DOCK10: variants seen among roughly 807,000 people sequenced by gnomAD.
The protein encoded by DOCK10 is dedicator of cytokinesis protein 10.
A neutral mutation model predicts 280.1 loss-of-function variants in DOCK10; 145 were observed. The observed-to-expected ratio is 0.52, with a 90% confidence interval of 0.45 to 0.59. The LOEUF is 0.59. Ranked by LOEUF, DOCK10 falls within the 20% of genes least tolerant of loss-of-function variation. The pLI is 0.00. For missense variants in DOCK10, 2,368 were observed against 2,651.7 expected, an observed-to-expected ratio of 0.89 and a Z score of 2.35; for synonymous variants, 915 against 942.2, an observed-to-expected ratio of 0.97 and a Z score of 0.53.
At chr2:224,978,303 C>T (rs543851369) in intron 1 of DOCK10, among the ~76,000 whole-genome samples, 11 of 152,194 alleles carry the variant, frequency 7.2e-5, no homozygotes, top group South Asian at 2.1e-4. Context: ...TGTGGTGGCA[C>T]GTGCCTGTAA....
chr2:224,930,253 G>T (rs1239479795), intron 2 of DOCK10, among the ~76,000 whole-genome samples: 2 of 150,144 alleles, frequency 1.3e-5, no homozygotes, highest in Admixed American at 1.3e-4. Context: ...GAAAAAGACT[G>T]TTCATCAGGT....
At chr2:224,870,814 C>CTTTTTTT (rs1559614196) in intron 11 of DOCK10, among the ~76,000 whole-genome samples, 7 of 106,468 alleles carry the variant, frequency 6.6e-5, no homozygotes, top group African/African-American at 2.2e-4. Flanking sequence ...ATGGCCACTC[C>CTTTTTTT]ATTTTTTTTT....
chr2:225,035,550 A>AT (rs1553634850), intron 1 of DOCK10, among the ~76,000 whole-genome samples: 1 of 17,494 alleles, frequency 5.7e-5, no homozygotes, highest in Non-Finnish European at 1.2e-4. Flanking sequence ...TATTATATAT[A>AT]TATATATATA....
At chr2:224,940,871 G>A (rs1331978606) in intron 1 of DOCK10, among the ~76,000 whole-genome samples, 1 of 152,096 alleles carries the variant, frequency 6.6e-6, no homozygotes, top group Non-Finnish European at 1.5e-5. Context: ...AATGATTTAG[G>A]TATGTCTCAT....
At chr2:224,821,563 G>A (rs1305728999) in intron 28 of DOCK10, among the ~76,000 whole-genome samples, 1 of 151,712 alleles carries the variant, frequency 6.6e-6, no homozygotes, top group Non-Finnish European at 1.5e-5. Context: ...CATCTAATAA[G>A]TGTTCCAATT....
At chr2:224,859,055 A>G (rs890324722) in intron 14 of DOCK10, among the ~76,000 whole-genome samples, 1 of 152,166 alleles carries the variant, frequency 6.6e-6, no homozygotes, top group African/African-American at 2.4e-5. Flanking sequence ...TAGATTATTT[A>G]ATAATTAGAC....
intron 28 of DOCK10, among the ~76,000 whole-genome samples, chr2:224,821,722 A>G (rs1172435754): frequency 6.6e-6 from 1 of 152,164 alleles, no homozygotes; most frequent in East Asian, 1.9e-4. Context: ...GTTTCTTTCA[A>G]TATATTTTAT....
At chr2:224,817,735 G>C (rs1694228000) in intron 29 of DOCK10, among the ~76,000 whole-genome samples, 1 of 152,168 alleles carries the variant, frequency 6.6e-6, no homozygotes, top group Non-Finnish European at 1.5e-5. Flanking sequence ...AAAAAATTGA[G>C]AGAGAGAATT....
chr2:224,935,256 A>G (rs552698240), intron 1 of DOCK10, among the ~76,000 whole-genome samples: 268 of 152,332 alleles, frequency 1.8e-3, no homozygotes, highest in African/African-American at 6.0e-3. Flanking sequence ...TATCTGAATT[A>G]TTTTCATCAC....
chr2:224,979,476 T>C (rs12694649), intron 1 of DOCK10, among the ~76,000 whole-genome samples: 117,883 of 151,732 alleles, frequency 0.78, 46,481 homozygotes, highest in African/African-American at 0.92. Flanking sequence ...GTCTTCCTGA[T>C]AGCTGTGTGC....
In DOCK10 at chr2:224,770,509, G is replaced by T. The variant is rs770285454; in HGVS notation, c.6305+36C>A. The T allele has an allele frequency of 4.4e-6, 7 of 1,595,720 alleles. No homozygotes were observed. The highest frequency in any genetic ancestry group is 6.0e-6 in the Non-Finnish European group (7 of 1,163,516). On this transcript the variant is annotated intron_variant, in intron 54 of 55. Coordinates refer to ENST00000258390, the MANE Select transcript of DOCK10 (RefSeq NM_014689.3). The surrounding 1 kb of genome is among the most constrained non-coding windows in gnomAD (Gnocchi z 4.5). ...GATTGAGGACTCCCTGTCTCAGGAA[G>T]TTCAAGGAAGAACATCCCAACAGCG... is the stretch of plus-strand genomic sequence containing the variant.
At chr2:224,929,192 C>T (rs1381845266) in intron 2 of DOCK10, among the ~76,000 whole-genome samples, 1 of 152,174 alleles carries the variant, frequency 6.6e-6, no homozygotes, top group Non-Finnish European at 1.5e-5. Context: ...TCTGAATTAT[C>T]TGGTAAATTA....
intron 26 of DOCK10, among the ~76,000 whole-genome samples, chr2:224,833,326 T>A (rs1051462069): frequency 6.6e-6 from 1 of 152,048 alleles, no homozygotes; most frequent in Non-Finnish European, 1.5e-5. Flanking sequence ...CTTTTTTTTT[T>A]CTTTCTGCTC....
intron 14 of DOCK10, among the ~76,000 whole-genome samples, chr2:224,857,743 CA>C (rs913761829): frequency 5.5e-5 from 8 of 146,172 alleles, no homozygotes; most frequent in African/African-American, 1.8e-4. Flanking sequence ...AATGTGTGGT[CA>C]AAAAAAAATA....
chr2:224,957,349 G>A lies in DOCK10; in HGVS notation c.124-25681C>T, dbSNP rs570480477. Among the ~76,000 whole-genome samples, 5 of 148,512 alleles carry A rather than the reference G, an allele frequency of 3.4e-5. No homozygotes were observed. The East Asian group carries it at 6.1e-4, about 18-fold the overall frequency. ...TCTGCCACCCAGGCTAAAGTGCAGC[G>A]GTGTGATCATAGCTCACTGCAACCT... is the stretch of plus-strand genomic sequence containing the variant. On this transcript the variant is annotated intron_variant, in intron 1 of 55. Coordinates refer to ENST00000258390, the MANE Select transcript of DOCK10 (RefSeq NM_014689.3).
intron 3 of DOCK10, among the ~76,000 whole-genome samples, chr2:224,909,698 A>G (rs1700891566): frequency 6.6e-6 from 1 of 152,152 alleles, no homozygotes; most frequent in South Asian, 2.1e-4. Flanking sequence ...CTAGGCTGCA[A>G]AATGAGGTAG....
At chr2:224,981,118 TC>T (rs1468566907) in intron 1 of DOCK10, among the ~76,000 whole-genome samples, 15 of 152,164 alleles carry the variant, frequency 9.9e-5, no homozygotes, top group Non-Finnish European at 1.2e-4. Context: ...CTATTTCAAA[TC>T]CTTTAAAATT....
In DOCK10 at chr2:224,912,338, T is replaced by C. The variant is rs543254495; in HGVS notation, c.333+4357A>G. Among the ~76,000 whole-genome samples the C allele has an allele frequency of 9.2e-5, 14 of 152,168 alleles. No homozygotes were observed. The South Asian group carries it at 2.9e-3, about 32-fold the overall frequency. ...TTAGTAGAGACAGGGTTTCACCATG[T>C]TGGTCAGGCTGGTCTCAAACTCCTG... On this transcript the variant is annotated intron_variant, in intron 3 of 55. Transcript: ENST00000258390.
intron 1 of DOCK10, among the ~76,000 whole-genome samples, chr2:224,986,952 G>A (rs1030428590): frequency 6.6e-6 from 1 of 152,070 alleles, no homozygotes; most frequent in Non-Finnish European, 1.5e-5. Context: ...ATTAACCCCC[G>A]CCTTCCTCCC....
Sources: gnomAD v4.1 joint callset for allele counts (sites outside exome capture counted in the v4.1 genomes callset) on GRCh38, gnomAD v4.1.1 for gene constraint, Gnocchi (gnomAD v3.1) non-coding constraint, MANE v1.5 for transcripts, NCBI Gene and HGNC (gene_info 2026-07-23, HGNC 2026-07-21) for gene names.